LPP: variants seen among roughly 807,000 people sequenced by gnomAD.
LPP encodes LIM domain containing preferred translocation partner in lipoma, also known as lipoma-preferred partner.
LPP carries 38 observed loss-of-function variants against 60.4 expected under a neutral mutation model. The observed-to-expected ratio is 0.63, with a 90% CI of 0.49 to 0.83. The LOEUF (loss-of-function observed/expected upper bound fraction) is 0.83. Ranked by LOEUF, LPP falls within the 40% of genes least tolerant of loss-of-function variation. The pLI is 0.00. For missense variants in LPP, 902 were observed against 783.6 expected (o/e 1.15, Z -1.80); for synonymous variants, 328 against 290.8 (o/e 1.13, Z -1.30).
intron 8 of LPP, among the ~76,000 whole-genome samples, chr3:188,740,597 A>G (rs1041048334): frequency 1.2e-4 from 18 of 152,188 alleles, no homozygotes; most frequent in African/African-American, 4.1e-4. Context: ...TTCAGGCACA[A>G]TAACTGGTAA....
chr3:188,265,867 TCTG>T (rs555403298), intron 2 of LPP, among the ~76,000 whole-genome samples: 1,545 of 116,882 alleles, frequency 0.013, 26 homozygotes, highest in African/African-American at 0.054. Flanking sequence ...ATAGGATTAC[TCTG>T]GTGTGTGTGT....
At chr3:188,809,937 A>G (rs1023503321) in intron 9 of LPP, among the ~76,000 whole-genome samples, 5 of 152,128 alleles carry the variant, frequency 3.3e-5, no homozygotes, top group African/African-American at 1.2e-4. Flanking sequence ...TTAAATAAGG[A>G]ACCCTTTCCC....
intron 2 of LPP, among the ~76,000 whole-genome samples, chr3:188,324,240 A>G (rs1757750986): frequency 6.6e-6 from 1 of 152,104 alleles, no homozygotes; most frequent in Non-Finnish European, 1.5e-5. Context: ...TTTTATTTCC[A>G]TTCCTAGATT....
intron 4 of LPP, among the ~76,000 whole-genome samples, chr3:188,458,465 T>C (rs988522575): frequency 3.3e-5 from 5 of 152,196 alleles, no homozygotes; most frequent in South Asian, 4.1e-4. Context: ...TTTTTAAAAA[T>C]GTATGCTTTT....
At position 188,609,047 on chromosome 3, in the gene LPP, T is replaced by C; in HGVS notation, c.430-114T>C. The C allele has an allele frequency of 1.2e-6, 1 of 800,570 alleles. No homozygotes were observed. The highest frequency in any genetic ancestry group is 2.0e-6 in the Non-Finnish European group (1 of 510,316). 49.6% of individuals were successfully genotyped at this position (800,570 alleles called of 1,614,324 possible). The stretch of plus-strand genomic sequence containing the variant: ...GATTATGCCTTATTTGTGTTCTACA[T>C]AGTAATAAATAATAATTAGCAGTTA... On this transcript the variant is annotated intron_variant, in intron 6 of 11. Transcript: ENST00000617246. This position sits in a 1 kb window ranked among gnomAD's most constrained non-coding sequence, Gnocchi z 6.9.
chr3:188,886,764 A>ACACC lies in LPP; in HGVS notation c.*12286_*12287insACCC, dbSNP rs1433317152. On this transcript the variant is annotated 3_prime_UTR_variant, in exon 12 of 12. Coordinates refer to ENST00000617246, the MANE Select transcript of LPP (RefSeq NM_001375462.1). ...CACACACACACACACACACACACACACCCCTTCCAAGAAAGCTGATCCTTC... is the reference window on the plus strand; with the variant it reads ...CACACACACACACACACACACACACACACCCCCCTTCCAAGAAAGCTGATCCTTC... 9.0e-6 allele frequency: 2 copies of ACACC among 223,304 alleles called. No individual in the cohort carries two copies. Among genetic ancestry groups the ACACC allele is most frequent in the African/African-American group, 4.8e-5 (2 of 41,810 alleles). The allele number at this position is 223,304 out of a possible 1,614,324, so 13.8% of individuals were successfully genotyped here. A position where few individuals can be genotyped will look rare whatever the true frequency, so the allele number is the denominator to read the frequency against.
At chr3:188,250,802 T>TTC (rs745600100) in intron 2 of LPP, among the ~76,000 whole-genome samples, 9 of 136,202 alleles carry the variant, frequency 6.6e-5, no homozygotes, top group African/African-American at 2.3e-4. Flanking sequence ...TTCTCTTTCT[T>TTC]TCTTTCTCTT....
intron 5 of LPP, among the ~76,000 whole-genome samples, chr3:188,499,578 T>C (rs1206768488): frequency 1.3e-5 from 2 of 152,204 alleles, no homozygotes; most frequent in Admixed American, 1.3e-4. Context: ...CTCAGGATTG[T>C]TCTGCCTATT....
intron 4 of LPP, among the ~76,000 whole-genome samples, chr3:188,422,825 C>T (rs1788156618): frequency 6.6e-6 from 1 of 151,744 alleles, no homozygotes; most frequent in Admixed American, 6.6e-5. Context: ...AGTGTTCTAA[C>T]CTATATGCGT....
rs540190531 is a variant in LPP, at chr3:188,862,880, A to G, written c.1411-3320A>G. Among the ~76,000 whole-genome samples, 5 of 152,040 alleles carry G rather than the reference A, an allele frequency of 3.3e-5. No individual in the cohort carries two copies. In the South Asian group the frequency reaches 8.3e-4, roughly 25 times the overall value. On this transcript the variant is annotated intron_variant, in intron 9 of 11. Transcript: ENST00000617246. ...CTTAAAGACTTTCTTTTTTTTCAAA[A>G]CCGATTTATTTGTCAACCATTTCAT...
intron 6 of LPP, among the ~76,000 whole-genome samples, chr3:188,604,624 A>T (rs1282978804): frequency 6.6e-6 from 1 of 152,190 alleles, no homozygotes; most frequent in Non-Finnish European, 1.5e-5. Flanking sequence ...GTCAATAAGG[A>T]AAATAAGATA....
intron 2 of LPP, among the ~76,000 whole-genome samples, chr3:188,247,689 C>G (rs2149522375): frequency 6.6e-6 from 1 of 151,566 alleles, no homozygotes; most frequent in African/African-American, 2.4e-5. Flanking sequence ...ATCCTAGCTA[C>G]TTGGGAGGCT....
At position 188,834,324 on chromosome 3, in the gene LPP, G is replaced by GTTTT. The variant is rs71867135; in HGVS notation, c.1411-31856_1411-31853dup. On this transcript the variant is annotated intron_variant, in intron 9 of 11. Transcript: ENST00000617246. ...AGGATTTTTTTGTTTCTTTTTGGGT[G>GTTTT]TTTTTTTTTTTTTTTTTTTTTTTGG... Among the ~76,000 whole-genome samples, 88 of 34,076 alleles carry GTTTT rather than the reference G, an allele frequency of 2.6e-3. 4 individuals are homozygous for GTTTT. Among genetic ancestry groups the GTTTT allele is most frequent in the East Asian group, 0.011 (6 of 522 alleles). 22.4% of individuals were successfully genotyped at this position (34,076 alleles called of 152,430 possible). A position where few individuals can be genotyped will look rare whatever the true frequency, so the allele number is the denominator to read the frequency against.
chr3:188,505,410 C>T (rs141633873), intron 5 of LPP, among the ~76,000 whole-genome samples: 11 of 152,232 alleles, frequency 7.2e-5, no homozygotes, highest in East Asian at 1.9e-4. Context: ...TTTGACCTTC[C>T]GTTTTCTCTC....
intron 1 of LPP, among the ~76,000 whole-genome samples, chr3:188,210,294 C>A (rs974737485): frequency 6.6e-6 from 1 of 152,058 alleles, no homozygotes; most frequent in African/African-American, 2.4e-5. Flanking sequence ...ACTGAGGGAA[C>A]GAGTGTACAT....
At chr3:188,576,654 C>G (rs1452299087) in intron 6 of LPP, among the ~76,000 whole-genome samples, 1 of 152,100 alleles carries the variant, frequency 6.6e-6, no homozygotes, top group Non-Finnish European at 1.5e-5. Context: ...AACACTGAAT[C>G]TTAATTCTTG....
chr3:188,775,421 T>C (rs893542181), intron 9 of LPP, among the ~76,000 whole-genome samples: 1 of 152,202 alleles, frequency 6.6e-6, no homozygotes, highest in Admixed American at 6.5e-5. Flanking sequence ...AGACATTCAG[T>C]AGGGCCTGAT....
At chr3:188,670,775 G>A (rs1458746254) in intron 7 of LPP, among the ~76,000 whole-genome samples, 1 of 152,162 alleles carries the variant, frequency 6.6e-6, no homozygotes, top group Non-Finnish European at 1.5e-5. Context: ...CAAACTGAAA[G>A]GTTGGAAGGA....
chr3:188,492,776 G>C (rs1350050986), intron 5 of LPP, among the ~76,000 whole-genome samples: 2 of 152,130 alleles, frequency 1.3e-5, no homozygotes, highest in Non-Finnish European at 2.9e-5. Flanking sequence ...ATTTCTCTAT[G>C]AGGGAAAAAT....
Sources: gnomAD v4.1 joint callset for allele counts (sites outside exome capture counted in the v4.1 genomes callset) on GRCh38, gnomAD v4.1.1 for gene constraint, Gnocchi (gnomAD v3.1) non-coding constraint, MANE v1.5 for transcripts, NCBI Gene and HGNC (gene_info 2026-07-23, HGNC 2026-07-21) for gene names.